The following B3GALT1 variants were observed in gnomAD, a reference collection of about 807,000 sequenced individuals.
B3GALT1 encodes the protein UDP-Gal:betaGlcNAc beta 1,3-galactosyltransferase, polypeptide 1.
B3GALT1 carries 10 observed loss-of-function variants against 23.2 expected under a neutral mutation model. The ratio of observed to expected loss-of-function variants is 0.43; its 90% CI spans 0.27 to 0.73. The LOEUF is 0.73. B3GALT1 is among the 30% of genes least tolerant of loss of function. The pLI is 0.21. For missense variants in B3GALT1, 299 were observed against 405.4 expected, an observed-to-expected ratio of 0.74 and a Z score of 2.25; for synonymous variants, 156 against 141.5, an observed-to-expected ratio of 1.10 and a Z score of -0.73.
chr2:167,614,095 AAG>A (rs970411873), intron 2 of B3GALT1, among the ~76,000 whole-genome samples: 2 of 151,860 alleles, frequency 1.3e-5, no homozygotes, highest in Non-Finnish European at 2.9e-5. Flanking sequence ...TTGGGAAAAA[AAG>A]AGAAAAATTA....
At position 167,747,048 on chromosome 2, in the gene B3GALT1, A is replaced by G. The variant is rs145895937; in HGVS notation, c.-351-71624A>G. On this transcript the variant is annotated intron_variant, in intron 3 of 4. Transcript: ENST00000392690. ...CCCCATATCGTACCTCCAACCCACT[A>G]AATTCCGATGATTTAAAGCATTGTG... is the stretch of plus-strand genomic sequence containing the variant. Among the ~76,000 whole-genome samples the G allele has an allele frequency of 2.0e-5, 3 of 152,146 alleles. No individual in the cohort carries two copies. The East Asian group carries it at 5.8e-4, about 29-fold the overall frequency.
intron 1 of B3GALT1, among the ~76,000 whole-genome samples, chr2:167,394,391 A>G (rs1698062877): frequency 6.6e-6 from 1 of 152,194 alleles, no homozygotes; most frequent in Non-Finnish European, 1.5e-5. Flanking sequence ...AAACTGTCCT[A>G]ACCAAATTTC....
intron 1 of B3GALT1, among the ~76,000 whole-genome samples, chr2:167,412,170 C>A (rs1365125166): frequency 1.3e-5 from 2 of 152,034 alleles, no homozygotes; most frequent in Non-Finnish European, 2.9e-5. Flanking sequence ...CAACTAAATA[C>A]CTATATATTT....
At chr2:167,438,236 C>A (rs1025338904) in intron 1 of B3GALT1, among the ~76,000 whole-genome samples, 1 of 152,172 alleles carries the variant, frequency 6.6e-6, no homozygotes, top group African/African-American at 2.4e-5. Context: ...TGGATACTTG[C>A]CCTCCAGCCT....
rs182099072 is a variant in B3GALT1 at position 167,633,231 on chromosome 2, A to C, written c.-409-13678A>C. ...GAGAAGAGCAACCTCAAGACACATA[A>C]TTGTCAGATTCACTGAGGTTGAAAT... On this transcript the variant is annotated intron_variant, in intron 2 of 4. Coordinates refer to ENST00000392690, the MANE Select transcript of B3GALT1 (RefSeq NM_020981.4). 2.6e-5 allele frequency among the ~76,000 whole-genome samples: 4 copies of C among 152,090 alleles called. No individual in the cohort carries two copies. The East Asian group carries it at 7.8e-4, about 30-fold the overall frequency.
At chr2:167,589,216 G>A (rs921141375) in intron 2 of B3GALT1, among the ~76,000 whole-genome samples, 1 of 152,100 alleles carries the variant, frequency 6.6e-6, no homozygotes, top group East Asian at 1.9e-4. Context: ...AAAGTGCTGG[G>A]CTATTAGGCA....
intron 2 of B3GALT1, among the ~76,000 whole-genome samples, chr2:167,568,206 A>C (rs79064279): frequency 0.036 from 5,473 of 152,138 alleles, 164 homozygotes; most frequent in African/African-American, 0.088. Context: ...TGTGGATATT[A>C]GTTTTCAACT....
intron 2 of B3GALT1, among the ~76,000 whole-genome samples, chr2:167,568,764 T>G (rs1397890685): frequency 6.6e-6 from 1 of 152,014 alleles, no homozygotes; most frequent in Non-Finnish European, 1.5e-5. Context: ...TCATGAATCA[T>G]GTCTTTGATT....
rs578184705 is a variant in B3GALT1, at chr2:167,518,246, A to G, written c.-410+27969A>G. On this transcript the variant is annotated intron_variant, in intron 2 of 4. Coordinates refer to ENST00000392690, the MANE Select transcript of B3GALT1 (RefSeq NM_020981.4). ...ATCTCATTAGCACCATATTCTAACC[A>G]ATTTAGCTGACTCCTATTTACTTAT... Among the ~76,000 whole-genome samples, 3 of 152,218 alleles carry G rather than the reference A, an allele frequency of 2.0e-5. No individual in the cohort carries two copies. In the South Asian group the frequency reaches 6.2e-4, roughly 32 times the overall value.
chr2:167,727,731 G>C (rs147255624), intron 3 of B3GALT1, among the ~76,000 whole-genome samples: 3 of 152,140 alleles, frequency 2.0e-5, no homozygotes, highest in Middle Eastern at 3.4e-3. Flanking sequence ...CTCATAACAG[G>C]CTCTTTATCA....
chr2:167,393,056 A>C (rs991149866), intron 1 of B3GALT1, among the ~76,000 whole-genome samples: 1 of 152,002 alleles, frequency 6.6e-6, no homozygotes, highest in Non-Finnish European at 1.5e-5. Context: ...AACACGGTGA[A>C]ACCCCGTCTC....
chr2:167,589,664 T>C (rs1684641764), intron 2 of B3GALT1, among the ~76,000 whole-genome samples: 1 of 152,156 alleles, frequency 6.6e-6, no homozygotes, highest in Non-Finnish European at 1.5e-5. Flanking sequence ...CTGTCTTTTA[T>C]GCTGACACTA....
chr2:167,833,573 C>G (rs958577606), intron 4 of B3GALT1, among the ~76,000 whole-genome samples: 1 of 152,118 alleles, frequency 6.6e-6, no homozygotes, highest in Non-Finnish European at 1.5e-5. Context: ...TGGGCAATAA[C>G]AGAAAAACTA....
At chr2:167,799,950 GTATGTATACACTTATGTATACACT>G (rs147953507) in intron 3 of B3GALT1, among the ~76,000 whole-genome samples, 14,132 of 152,042 alleles carry the variant, frequency 0.093, 1,415 homozygotes, top group East Asian at 0.3. Flanking sequence ...AATGCAATGT[GTATGTATACACTTATGTATACACT>G]TATGTATACA....
intron 3 of B3GALT1, among the ~76,000 whole-genome samples, chr2:167,703,548 G>T (rs528937128): frequency 1.1e-3 from 166 of 152,288 alleles, no homozygotes; most frequent in African/African-American, 3.5e-3. Context: ...AGCTTTTGCT[G>T]TTAGAATAGA....
intron 2 of B3GALT1, among the ~76,000 whole-genome samples, chr2:167,523,484 G>A (rs1278852213): frequency 2.0e-5 from 3 of 151,044 alleles, no homozygotes; most frequent in African/African-American, 2.4e-5. Context: ...GGAGTGCAGT[G>A]GCACAATGTC....
rs764509847 is a variant in B3GALT1 at position 167,873,054 on chromosome 2, G to A, written c.*3034G>A. 1 of 152,034 alleles carries A rather than the reference G, an allele frequency of 6.6e-6. No homozygotes were observed. Among genetic ancestry groups the A allele is most frequent in the African/African-American group, 2.4e-5 (1 of 41,402 alleles). The allele number at this position is 152,034 out of a possible 1,614,324, so 9.4% of individuals were successfully genotyped here. ...TTTGTTAATTTTATGACATGACACT[G>A]GCCAAAATATTGTTTCAATTACTGT... On this transcript the variant is annotated 3_prime_UTR_variant, in exon 5 of 5. Coordinates refer to ENST00000392690, the MANE Select transcript of B3GALT1 (RefSeq NM_020981.4).
At chr2:167,458,322 A>G (rs529800097) in intron 1 of B3GALT1, among the ~76,000 whole-genome samples, 1 of 152,330 alleles carries the variant, frequency 6.6e-6, no homozygotes, top group Admixed American at 6.5e-5. Context: ...ATTCCAGTGT[A>G]TGTACATAAC....
chr2:167,719,424 T>C (rs972426697), intron 3 of B3GALT1, among the ~76,000 whole-genome samples: 2 of 152,230 alleles, frequency 1.3e-5, no homozygotes, highest in African/African-American at 4.8e-5. Context: ...AGTGCTCTTT[T>C]TGCACTAAAG....
Sources: gnomAD v4.1 joint callset for allele counts (sites outside exome capture counted in the v4.1 genomes callset) on GRCh38, gnomAD v4.1.1 for gene constraint, MANE v1.5 for transcripts, NCBI Gene and HGNC (gene_info 2026-07-23, HGNC 2026-07-21) for gene names.